The following SIAH3 variants were observed in gnomAD, a reference collection of about 807,000 sequenced individuals.
SIAH3 encodes seven in absentia homolog 3.
In SIAH3, 9 loss-of-function variants were observed where a neutral mutation model predicts 12.6. That is an observed-to-expected ratio of 0.72 (90% CI 0.43 to 1.25). The LOEUF (loss-of-function observed/expected upper bound fraction) is 1.25. SIAH3 is among the 50% of genes most tolerant of loss of function. SIAH3 has a pLI of 0.00. For missense variants in SIAH3, 390 were observed against 365.4 expected (o/e 1.07, Z -0.55); for synonymous variants, 154 against 151.1 (o/e 1.02, Z -0.14).
chr13:45,783,474 G>T lies in SIAH3; in HGVS notation c.719C>A (p.Ser240Ter), dbSNP rs1292905672. 6.2e-7 allele frequency: 1 copy of T among 1,614,004 alleles called. No homozygotes were observed. Among genetic ancestry groups the T allele is most frequent in the Non-Finnish European group, 8.5e-7 (1 of 1,180,044 alleles). The change falls in exon 2 of 2, where the codon TCG becomes TAG. Residue 240 changes from serine (S) to a stop codon, truncating the protein, a stop_gained. Coordinates refer to ENST00000400405, the MANE Select transcript of SIAH3 (RefSeq NM_198849.3). LOFTEE classifies it high-confidence loss of function. ...TDGDCLVLNT[S>*]LAQLFSDNGS... Reference sequence around the variant, plus strand: ...GTTGTCAGAGAAGAGCTGTGCCAGCGAGGTGTTGAGGACGAGGCAGTCCCC... The same window carrying T: ...GTTGTCAGAGAAGAGCTGTGCCAGCTAGGTGTTGAGGACGAGGCAGTCCCC...
intron 1 of SIAH3, among the ~76,000 whole-genome samples, chr13:45,786,118 G>C (rs928313618): frequency 3.9e-5 from 6 of 152,214 alleles, no homozygotes; most frequent in African/African-American, 1.4e-4. Context: ...TTTGGTCGGG[G>C]GGGTTTCTCC....
At chr13:45,784,405 T>TC (rs1345097150) in intron 1 of SIAH3, among the ~76,000 whole-genome samples, 1 of 149,412 alleles carries the variant, frequency 6.7e-6, no homozygotes, top group Admixed American at 6.9e-5. Context: ...GCTGTTTTTT[T>TC]TTTTTTTTTT....
intron 1 of SIAH3, among the ~76,000 whole-genome samples, chr13:45,833,073 G>T (rs1187835035): frequency 6.6e-6 from 1 of 152,182 alleles, no homozygotes; most frequent in African/African-American, 2.4e-5. Flanking sequence ...CATAGGAACT[G>T]GGAAAGAGGT....
At chr13:45,813,035 G>T (rs1274655891) in intron 1 of SIAH3, among the ~76,000 whole-genome samples, 3 of 152,224 alleles carry the variant, frequency 2.0e-5, no homozygotes, top group Non-Finnish European at 4.4e-5. Flanking sequence ...GGGGTGTCCT[G>T]CCCTGGCTGT....
intron 1 of SIAH3, among the ~76,000 whole-genome samples, chr13:45,792,823 A>C (rs572171999): frequency 3.6e-4 from 55 of 152,340 alleles, no homozygotes; most frequent in African/African-American, 1.3e-3. Context: ...AACCACATAC[A>C]GGAATGCTGC....
intron 1 of SIAH3, among the ~76,000 whole-genome samples, chr13:45,807,277 TAA>T (rs35328551): frequency 7.3e-4 from 104 of 142,920 alleles, no homozygotes; most frequent in Non-Finnish European, 1.3e-3. Context: ...ACCAGAATAC[TAA>T]AAAAAAAAAA....
At chr13:45,831,955 A>T (rs933421187) in intron 1 of SIAH3, among the ~76,000 whole-genome samples, 2 of 152,178 alleles carry the variant, frequency 1.3e-5, no homozygotes, top group Admixed American at 1.3e-4. Flanking sequence ...AGGGAATCCC[A>T]CCTTGGTTGG....
rs1179749151 is a variant in SIAH3, at chr13:45,781,095, T to C, written c.*2288A>G. 1 of 152,658 alleles carries C rather than the reference T, an allele frequency of 6.6e-6. No individual in the cohort carries two copies. The highest frequency in any genetic ancestry group is 1.5e-5 in the Non-Finnish European group (1 of 68,042). 9.5% of individuals were successfully genotyped at this position (152,658 alleles called of 1,614,324 possible). ...CAAAAATATAAGCTCCCATCTGGGATCACTTATTCATAATACAGTCTTGTG... is the reference window on the plus strand; with the variant it reads ...CAAAAATATAAGCTCCCATCTGGGACCACTTATTCATAATACAGTCTTGTG... On this transcript the variant is annotated 3_prime_UTR_variant, in exon 2 of 2. Coordinates refer to ENST00000400405, the MANE Select transcript of SIAH3 (RefSeq NM_198849.3).
intron 1 of SIAH3, among the ~76,000 whole-genome samples, chr13:45,829,273 A>G (rs1950690099): frequency 6.6e-6 from 1 of 152,146 alleles, no homozygotes. Flanking sequence ...GTGAATTTTA[A>G]CCTACGCATG....
intron 1 of SIAH3, among the ~76,000 whole-genome samples, chr13:45,817,234 A>G (rs1950637825): frequency 6.6e-6 from 1 of 152,226 alleles, no homozygotes; most frequent in African/African-American, 2.4e-5. Flanking sequence ...ATGTTTAGAT[A>G]TTTTTAGATA....
At chr13:45,822,702 A>T (rs1950660595) in intron 1 of SIAH3, among the ~76,000 whole-genome samples, 1 of 151,794 alleles carries the variant, frequency 6.6e-6, no homozygotes, top group Non-Finnish European at 1.5e-5. Flanking sequence ...GTTACTTGTA[A>T]AGGACTTGAA....
intron 1 of SIAH3, among the ~76,000 whole-genome samples, chr13:45,831,220 A>G (rs901902702): frequency 1.4e-5 from 2 of 143,816 alleles, no homozygotes; most frequent in East Asian, 4.0e-4. Flanking sequence ...ATAAATAAAT[A>G]AATAAAATAA....
rs1950639789 is a variant in SIAH3 at position 45,817,810 on chromosome 13, A to G, written c.135+33685T>C. On this transcript the variant is annotated intron_variant, in intron 1 of 1. Transcript: ENST00000400405. ...TTCCCAACAATCCCAAGAGGCAGGC[A>G]ACATTGCTATTCCCATTCTAGAGAT... is the stretch of plus-strand genomic sequence containing the variant. 2.6e-5 allele frequency among the ~76,000 whole-genome samples: 4 copies of G among 152,222 alleles called. No individual in the cohort carries two copies. In the South Asian group the frequency reaches 8.3e-4, roughly 32 times the overall value.
rs570740846 is a variant in SIAH3, at chr13:45,839,571, G to A, written c.135+11924C>T. Reference sequence around the variant, plus strand: ...TTTTAGGCCAGGTGCGGTGGCTCACGCCTGTAATCCCAGCACTTTGGGAGG... The same window carrying A: ...TTTTAGGCCAGGTGCGGTGGCTCACACCTGTAATCCCAGCACTTTGGGAGG... On this transcript the variant is annotated intron_variant, in intron 1 of 1. Coordinates refer to ENST00000400405, the MANE Select transcript of SIAH3 (RefSeq NM_198849.3). Among the ~76,000 whole-genome samples, 55 of 152,326 alleles carry A rather than the reference G, an allele frequency of 3.6e-4. No individual in the cohort carries two copies. In the South Asian group the frequency reaches 6.8e-3, roughly 19 times the overall value.
At position 45,801,397 on chromosome 13, in the gene SIAH3, C is replaced by T. The variant is rs149782232; in HGVS notation, c.136-17340G>A. Among the ~76,000 whole-genome samples, 281 of 152,142 alleles carry T rather than the reference C, an allele frequency of 1.8e-3. 2 individuals carry two copies. The highest frequency in any genetic ancestry group is 3.0e-3 in the Non-Finnish European group (206 of 67,992). On this transcript the variant is annotated intron_variant, in intron 1 of 1. Transcript: ENST00000400405. ...CTGTGCTTTCCACCGACTGATGAGG[C>T]CTTGAGAGAACAAGGAGAAATGAGG...
intron 1 of SIAH3, among the ~76,000 whole-genome samples, chr13:45,843,214 C>T (rs1035577391): frequency 2.6e-5 from 4 of 152,030 alleles, no homozygotes; most frequent in African/African-American, 9.7e-5. Flanking sequence ...CCTTCTCATC[C>T]ATGCCGGGCT....
intron 1 of SIAH3, among the ~76,000 whole-genome samples, chr13:45,812,705 A>G (rs1240899088): frequency 6.6e-6 from 1 of 152,112 alleles, no homozygotes; most frequent in African/African-American, 2.4e-5. Flanking sequence ...CTCACACTCC[A>G]AATAGCAACC....
In SIAH3 at chr13:45,779,679, G is replaced by T. The variant is rs558346436; in HGVS notation, c.*3704C>A. 2.6e-5 allele frequency: 4 copies of T among 152,144 alleles called. No individual in the cohort carries two copies. The South Asian group carries it at 8.3e-4, about 32-fold the overall frequency. The allele number at this position is 152,144 out of a possible 1,614,324, so 9.4% of individuals were successfully genotyped here. On this transcript the variant is annotated 3_prime_UTR_variant, in exon 2 of 2. Coordinates refer to ENST00000400405, the MANE Select transcript of SIAH3 (RefSeq NM_198849.3). ...CAATAAAGAGCACCTGCTTGCTAAG[G>T]TTGTTATGGGGATTACATGATCTAC...
chr13:45,848,095 T>C (rs1263547596), intron 1 of SIAH3, among the ~76,000 whole-genome samples: 1 of 152,160 alleles, frequency 6.6e-6, no homozygotes, highest in East Asian at 1.9e-4. Context: ...AGAGGAGTGC[T>C]GAATCAGGAC....
Sources: gnomAD v4.1 joint callset for allele counts (sites outside exome capture counted in the v4.1 genomes callset) on GRCh38, gnomAD v4.1.1 for gene constraint, MANE v1.5 for transcripts, NCBI Gene and HGNC (gene_info 2026-07-23, HGNC 2026-07-21) for gene names.